Variants in GOLM1 observed in about 807,000 individuals in gnomAD.
GOLM1 encodes epididymis luminal protein 46.
GOLM1 carries 31 observed loss-of-function variants against 50.5 expected under a neutral mutation model. That is an observed-to-expected ratio of 0.61 (90% CI 0.46 to 0.83). The LOEUF (loss-of-function observed/expected upper bound fraction) is 0.83, where lower values mean the gene tolerates loss of function less well. Among genes scored for constraint, GOLM1 ranks in the 40% least tolerant of loss-of-function variants. The pLI, the probability that GOLM1 is intolerant of heterozygous loss-of-function variation, is 0.00. For synonymous variants in GOLM1, 178 were observed against 192.8 expected, an observed-to-expected ratio of 0.92 and a Z score of 0.64; for missense variants, 491 against 501.3, an observed-to-expected ratio of 0.98 and a Z score of 0.20.
intron 3 of GOLM1, among the ~76,000 whole-genome samples, chr9:86,073,843 T>C (rs1341755880): frequency 6.6e-6 from 1 of 152,218 alleles, no homozygotes; most frequent in African/African-American, 2.4e-5. Flanking sequence ...CAGGTATTCA[T>C]TAGACTCATG....
At chr9:86,031,478 C>CT (rs1378269338) in intron 9 of GOLM1, among the ~76,000 whole-genome samples, 2 of 137,912 alleles carry the variant, frequency 1.5e-5, no homozygotes, top group African/African-American at 5.6e-5. Flanking sequence ...TTTTTTTCCC[C>CT]GAGACGGAGT....
Position 86,035,626 on chromosome 9 carries a change from C to T in GOLM1, c.758-1G>A. 1.3e-6 allele frequency: 2 copies of T among 1,550,020 alleles called. No individual in the cohort carries two copies. Among genetic ancestry groups the T allele is most frequent in the Non-Finnish European group, 8.8e-7 (1 of 1,137,578 alleles). ...ACCACCTGGATCTCATTGGTTTCCT[C>T]TGTGCACAGAACACAGTTAGCTGTG... On this transcript the variant is annotated splice_acceptor_variant, in intron 7 of 9. Coordinates refer to ENST00000388712, the MANE Select transcript of GOLM1 (RefSeq NM_016548.4). LOFTEE classifies it high-confidence loss of function.
chr9:86,091,787 AT>A (rs948285364), intron 1 of GOLM1, among the ~76,000 whole-genome samples: 10 of 152,216 alleles, frequency 6.6e-5, no homozygotes, highest in Non-Finnish European at 1.2e-4. Context: ...GGTGGGGTAT[AT>A]TATAAATTTG....
At chr9:86,046,797 G>A (rs1317669727) in intron 4 of GOLM1, among the ~76,000 whole-genome samples, 4 of 152,288 alleles carry the variant, frequency 2.6e-5, no homozygotes, top group East Asian at 3.9e-4. Context: ...AAGAAGCTGC[G>A]TCTTGATCCT....
chr9:86,067,410 T>C (rs1446025422), intron 3 of GOLM1, among the ~76,000 whole-genome samples: 1 of 152,258 alleles, frequency 6.6e-6, no homozygotes, highest in East Asian at 1.9e-4. Flanking sequence ...TGTACACATA[T>C]ATGAATCTGT....
chr9:86,029,107 T>C (rs1046029646), intron 9 of GOLM1, among the ~76,000 whole-genome samples: 1 of 152,282 alleles, frequency 6.6e-6, no homozygotes, highest in African/African-American at 2.4e-5. Context: ...TCCGCCCGCC[T>C]TGGCCTCCCA....
At chr9:86,032,003 C>G (rs116287979) in intron 9 of GOLM1, among the ~76,000 whole-genome samples, 2,007 of 150,412 alleles carry the variant, frequency 0.013, 41 homozygotes, top group African/African-American at 0.044. Flanking sequence ...CACACCACCA[C>G]TCACCTTACC....
chr9:86,045,472 A>G (rs557291144), intron 5 of GOLM1, among the ~76,000 whole-genome samples: 1 of 152,148 alleles, frequency 6.6e-6, no homozygotes, highest in Non-Finnish European at 1.5e-5. Flanking sequence ...CAGGCGTTCA[A>G]GAACAGCCTG....
intron 1 of GOLM1, among the ~76,000 whole-genome samples, chr9:86,086,399 C>A (rs1249268048): frequency 6.6e-6 from 1 of 152,060 alleles, no homozygotes; most frequent in Non-Finnish European, 1.5e-5. Flanking sequence ...AAGTTTTCTC[C>A]TATTCTGTAG....
chr9:86,027,011 T>C lies in GOLM1; in HGVS notation c.*806A>G. 1.0e-6 allele frequency: 1 copy of C among 985,438 alleles called. No individual in the cohort carries two copies. The highest frequency in any genetic ancestry group is 1.2e-6 in the Non-Finnish European group (1 of 829,936). 61.0% of individuals were successfully genotyped at this position (985,438 alleles called of 1,614,324 possible). A position where few individuals can be genotyped will look rare whatever the true frequency, so the allele number is the denominator to read the frequency against. On this transcript the variant is annotated 3_prime_UTR_variant, in exon 10 of 10. Coordinates refer to ENST00000388712, the MANE Select transcript of GOLM1 (RefSeq NM_016548.4). The stretch of plus-strand genomic sequence containing the variant: ...GCCTCTCACCATGCTCTGCTCCAGG[T>C]CAGCCCCCTTTTGGCCTGTTTGTTT...
intron 9 of GOLM1, 74 bp from the exon 10 acceptor site, chr9:86,027,967 T>TATC: frequency 1.2e-6 from 1 of 813,430 alleles, no homozygotes. Flanking sequence ...CCCATTTTCT[T>TATC]ATCAACTTCT....
rs1833103830 is a variant in GOLM1 at position 86,035,491 on chromosome 9, G to C, written c.892C>G (p.Gln298Glu). The C allele has an allele frequency of 6.2e-7, 1 of 1,613,318 alleles. No homozygotes were observed. Among genetic ancestry groups the C allele is most frequent in the Non-Finnish European group, 8.5e-7 (1 of 1,179,954 alleles). Residue 298 changes from glutamine (Q) to glutamate (E), a missense_variant, in exon 8 of 10, where the codon CAG (glutamine) becomes GAG (glutamate). Physicochemically the swap from Gln to Glu is conservative, Grantham distance 29. Coordinates refer to ENST00000388712, the MANE Select transcript of GOLM1 (RefSeq NM_016548.4). Reference protein sequence around the residue: ...RGFGGAGELGQTPQVQAALSV... With the variant: ...RGFGGAGELGETPQVQAALSV... ...AGGGCAGCCTGCACCTGTGGGGTCT[G>C]GCCCAGTTCTCCGGCTCCCCCGAAG...
intron 1 of GOLM1, among the ~76,000 whole-genome samples, chr9:86,081,629 C>A (rs1445234921): frequency 6.6e-6 from 1 of 152,066 alleles, no homozygotes; most frequent in Non-Finnish European, 1.5e-5. Context: ...GTGGCTCATG[C>A]CTGTAATCCC....
intron 3 of GOLM1, among the ~76,000 whole-genome samples, chr9:86,053,754 T>C (rs1833898037): frequency 5.2e-4 from 1 of 1,938 alleles, no homozygotes; most frequent in Non-Finnish European, 1.1e-3. Flanking sequence ...CACACACTAC[T>C]GCACACACCA....
At chr9:86,061,251 C>T (rs945521217) in intron 3 of GOLM1, among the ~76,000 whole-genome samples, 1 of 152,150 alleles carries the variant, frequency 6.6e-6, no homozygotes. Context: ...AAAATCTTAA[C>T]TTCAAGGCTG....
intron 1 of GOLM1, among the ~76,000 whole-genome samples, chr9:86,088,354 C>G (rs1321636678): frequency 1.4e-5 from 2 of 146,212 alleles, no homozygotes; most frequent in African/African-American, 2.6e-5. Flanking sequence ...GTCTGGCTAG[C>G]AGTCTATCTA....
intron 3 of GOLM1, among the ~76,000 whole-genome samples, chr9:86,063,876 C>T (rs1483888900): frequency 6.6e-6 from 1 of 152,220 alleles, no homozygotes; most frequent in African/African-American, 2.4e-5. Context: ...CCATTAGGAA[C>T]AGAGATCAAT....
At chr9:86,063,050 G>A (rs191265901) in intron 3 of GOLM1, among the ~76,000 whole-genome samples, 18 of 152,152 alleles carry the variant, frequency 1.2e-4, no homozygotes, top group Admixed American at 4.6e-4. Context: ...AGCTCTTCCC[G>A]CTGCTCTCAC....
rs751345057 is a variant in GOLM1 at position 86,077,573 on chromosome 9, C to G, written c.148G>C (p.Glu50Gln). Residue 50 changes from glutamate to glutamine, a missense_variant, in exon 3 of 10, where the codon GAA (glutamate) becomes CAA (glutamine). By Grantham distance (29) the Glu-to-Gln change is conservative (BLOSUM62 2). Coordinates refer to ENST00000388712, the MANE Select transcript of GOLM1 (RefSeq NM_016548.4). ...GCAGCCGCCCTGCGGACCCTGCCTT[C>G]CAGCTCCATGATCCGTGTCTACAAG... ...VDLQTRIMEL[E>Q]GRVRRAAAER... 3.1e-6 allele frequency: 5 copies of G among 1,613,248 alleles called. No homozygotes were observed. The highest frequency in any genetic ancestry group is 8.5e-7 in the Non-Finnish European group (1 of 1,179,440).
Sources: gnomAD v4.1 joint callset for allele counts (sites outside exome capture counted in the v4.1 genomes callset) on GRCh38, gnomAD v4.1.1 for gene constraint, MANE v1.5 for transcripts, NCBI Gene and HGNC (gene_info 2026-07-23, HGNC 2026-07-21) for gene names.